CREBBP: variants seen among roughly 807,000 people sequenced by gnomAD.
CREBBP encodes CREB binding lysine acetyltransferase, also known as CREB-binding protein.
In CREBBP, 19 loss-of-function variants were observed where a neutral mutation model predicts 265.0. That is an observed-to-expected ratio of 0.07 (90% CI 0.05 to 0.11). The LOEUF (loss-of-function observed/expected upper bound fraction) is 0.11, where lower values mean the gene tolerates loss of function less well. CREBBP is among the 10% of genes least tolerant of loss of function. CREBBP has a pLI of 1.00. For synonymous variants in CREBBP, 1,457 were observed against 1,223.7 expected, an observed-to-expected ratio of 1.19 and a Z score of -3.98; for missense variants, 2,525 against 3,219.0, an observed-to-expected ratio of 0.78 and a Z score of 5.22.
chr16:3,729,423 C>T lies in CREBBP; in HGVS notation c.5624G>A (p.Arg1875His), dbSNP rs1032604340. The change falls in exon 31 of 31, where the codon CGC becomes CAC. Residue 1875 changes from arginine (R) to histidine (H), a missense_variant. Arg to His is a conservative substitution (Grantham distance 29). Transcript: ENST00000262367. Reference protein sequence around the residue: ...MRRRMATMNTRNVPQQSLPSP... With the variant: ...MRRRMATMNTHNVPQQSLPSP... Reference sequence around the variant, plus strand: ...AGGCAGACTCTGCTGAGGCACGTTGCGGGTGTTCATGGTGGCCATCCGCCG... The same window carrying T: ...AGGCAGACTCTGCTGAGGCACGTTGTGGGTGTTCATGGTGGCCATCCGCCG... The T allele has an allele frequency of 1.9e-6, 3 of 1,613,412 alleles. No individual in the cohort carries two copies. Among genetic ancestry groups the T allele is most frequent in the Non-Finnish European group, 2.5e-6 (3 of 1,179,954 alleles).
chr16:3,864,859 G>C (rs1475765188), intron 1 of CREBBP, among the ~76,000 whole-genome samples: 1 of 152,102 alleles, frequency 6.6e-6, no homozygotes, highest in African/African-American at 2.4e-5. Flanking sequence ...CTGAGGTCAG[G>C]CGTTCGAGGC....
rs759166892 is a variant in CREBBP at position 3,731,972 on chromosome 16, G to A, written c.4729-35C>T. 1 of 1,614,058 alleles carries A rather than the reference G, an allele frequency of 6.2e-7. No individual in the cohort carries two copies. Among genetic ancestry groups the A allele is most frequent in the South Asian group, 1.1e-5 (1 of 91,066 alleles). Reference sequence around the variant, plus strand: ...CACGCAAGGCTGTGAGACCAGGCAAGTGCCCCTCCACACTTGGCACGGACG... The same window carrying A: ...CACGCAAGGCTGTGAGACCAGGCAAATGCCCCTCCACACTTGGCACGGACG... On this transcript the variant is annotated intron_variant, in intron 28 of 30. Coordinates refer to ENST00000262367, the MANE Select transcript of CREBBP (RefSeq NM_004380.3). The surrounding 1 kb of genome is among the most constrained non-coding windows in gnomAD (Gnocchi z 7.7).
At chr16:3,793,203 A>G (rs1272845223) in intron 4 of CREBBP, among the ~76,000 whole-genome samples, 183 bp downstream of exon 4, 1 of 152,212 alleles carries the variant, frequency 6.6e-6, no homozygotes, top group African/African-American at 2.4e-5. Context: ...TTCAGCAGAT[A>G]AGACTTCCTG....
chr16:3,803,082 G>A (rs766091783), intron 3 of CREBBP, among the ~76,000 whole-genome samples: 1 of 151,732 alleles, frequency 6.6e-6, no homozygotes, highest in Non-Finnish European at 1.5e-5. Flanking sequence ...GTGATAAACT[G>A]GTAAGAAACA....
At chr16:3,839,308 G>A (rs1015156540) in intron 2 of CREBBP, among the ~76,000 whole-genome samples, 2 of 152,208 alleles carry the variant, frequency 1.3e-5, no homozygotes, top group African/African-American at 4.8e-5. Context: ...TGCTGCTGCA[G>A]TAAGTACACT....
rs111810804 is a variant in CREBBP at position 3,828,050 on chromosome 16, G to A, written c.799-17271C>T. ...TAATTATGCTGGCCTCTTGCACATA[G>A]GCCAAGGCACATTTTTCTAGCCAGA... On this transcript the variant is annotated intron_variant, in intron 2 of 30. Coordinates refer to ENST00000262367, the MANE Select transcript of CREBBP (RefSeq NM_004380.3). 6.6e-3 allele frequency among the ~76,000 whole-genome samples: 1,010 copies of A among 152,098 alleles called. 9 individuals carry two copies. The highest frequency in any genetic ancestry group is 0.017 in the Middle Eastern group (5 of 294).
At chr16:3,879,544 C>A (rs577656745) in intron 1 of CREBBP, among the ~76,000 whole-genome samples, 3 of 152,378 alleles carry the variant, frequency 2.0e-5, no homozygotes, top group East Asian at 3.9e-4. Flanking sequence ...CAAACCCACA[C>A]GCTGCACTTT....
intron 1 of CREBBP, among the ~76,000 whole-genome samples, chr16:3,875,978 G>C (rs2055391243): frequency 6.6e-6 from 1 of 152,086 alleles, no homozygotes; most frequent in South Asian, 2.1e-4. Context: ...CAACTGCTTA[G>C]AGCCACTTAT....
chr16:3,809,641 T>C (rs189494984), intron 3 of CREBBP, among the ~76,000 whole-genome samples: 2 of 152,284 alleles, frequency 1.3e-5, no homozygotes, highest in African/African-American at 4.8e-5. Context: ...GCAATGTTAA[T>C]TACTTAGTTT....
rs1241490952 is a variant in CREBBP, at chr16:3,766,780, G to GCCT, written c.3250+937_3250+939dup. 2.2e-4 allele frequency among the ~76,000 whole-genome samples: 34 copies of GCCT among 152,246 alleles called. 1 individual carries two copies. Among genetic ancestry groups the GCCT allele is most frequent in the South Asian group, 1.5e-3 (7 of 4,826 alleles). On this transcript the variant is annotated intron_variant, in intron 16 of 30. Transcript: ENST00000262367. The stretch of plus-strand genomic sequence containing the variant: ...AGCATCAAGCAAGCCTCCCATCTCA[G>GCCT]CCTCCCAAAGTGCTGGGATTACAGG...
chr16:3,864,139 G>T (rs1335474903), intron 1 of CREBBP, among the ~76,000 whole-genome samples: 2 of 152,312 alleles, frequency 1.3e-5, no homozygotes, highest in East Asian at 3.9e-4. Context: ...CAGCCATATT[G>T]TAAGAACAAG....
chr16:3,740,302 A>G, intron 24 of CREBBP, 97 bp downstream of exon 24: 1 of 1,479,070 alleles, frequency 6.8e-7, no homozygotes, highest in Non-Finnish European at 9.4e-7. Flanking sequence ...AAGTCTTGGA[A>G]GGATGACCTC....
chr16:3,809,730 A>G (rs1773750299), intron 3 of CREBBP, among the ~76,000 whole-genome samples: 1 of 152,250 alleles, frequency 6.6e-6, no homozygotes, highest in Non-Finnish European at 1.5e-5. Flanking sequence ...TCTCTGTGCT[A>G]TCTTTACAAC....
intron 1 of CREBBP, among the ~76,000 whole-genome samples, chr16:3,867,959 C>T (rs2141571589): frequency 6.6e-6 from 1 of 151,960 alleles, no homozygotes; most frequent in Non-Finnish European, 1.5e-5. Context: ...AAAAATAGAA[C>T]AAAGCCTGCA....
intron 11 of CREBBP, 93 bp downstream of exon 11, chr16:3,777,520 G>A (rs1367464041): frequency 2.3e-6 from 3 of 1,325,816 alleles, no homozygotes; most frequent in Non-Finnish European, 3.3e-6. Context: ...GAAAGGGTTA[G>A]AAAGAAATAT....
intron 2 of CREBBP, among the ~76,000 whole-genome samples, chr16:3,828,679 T>A (rs558796718): frequency 1.3e-5 from 2 of 152,170 alleles, no homozygotes; most frequent in Non-Finnish European, 2.9e-5. Flanking sequence ...TACAGCTGTA[T>A]TACAGACAAA....
At chr16:3,782,573 C>A in intron 6 of CREBBP, 111 bp downstream of exon 6, 1 of 1,384,810 alleles carries the variant, frequency 7.2e-7, no homozygotes, top group Non-Finnish European at 9.8e-7. Context: ...TTATTTCAAC[C>A]ACCGTAGTAA....
At chr16:3,796,726 A>T (rs1445825780) in intron 3 of CREBBP, among the ~76,000 whole-genome samples, 1 of 152,094 alleles carries the variant, frequency 6.6e-6, no homozygotes, top group Non-Finnish European at 1.5e-5. Context: ...ACTACACCTG[A>T]CCATATGTCA....
chr16:3,843,958 C>T (rs1597040926), intron 2 of CREBBP, among the ~76,000 whole-genome samples: 1 of 150,966 alleles, frequency 6.6e-6, no homozygotes, highest in Non-Finnish European at 1.5e-5. Context: ...ACCATCCCGG[C>T]TAAAACGGTG....
Sources: allele counts gnomAD v4.1 joint callset (sites outside exome capture counted in the v4.1 genomes callset), GRCh38; gene constraint gnomAD v4.1.1; non-coding constraint Gnocchi (gnomAD v3.1); transcripts MANE v1.5; gene names NCBI Gene and HGNC (gene_info 2026-07-23, HGNC 2026-07-21).